TMEM178B: variants seen among roughly 807,000 people sequenced by gnomAD.
The protein encoded by TMEM178B is transmembrane protein 178B.
TMEM178B carries 5 observed loss-of-function variants against 31.0 expected under a neutral mutation model. The ratio of observed to expected loss-of-function variants is 0.16; its 90% CI spans 0.08 to 0.34. TMEM178B has a LOEUF of 0.34. Ranked by LOEUF, TMEM178B falls within the 10% of genes least tolerant of loss-of-function variation. The pLI is 1.00. For missense variants in TMEM178B, 275 were observed against 400.3 expected (o/e 0.69, Z 2.67); for synonymous variants, 164 against 164.0 (o/e 1.00, Z 0.00).
intron 2 of TMEM178B, among the ~76,000 whole-genome samples, chr7:141,219,554 C>T (rs1409662623): frequency 1.3e-5 from 2 of 152,190 alleles, no homozygotes; most frequent in Admixed American, 6.5e-5. Context: ...ACTCAGCCAA[C>T]AGCGTGTCAT....
At chr7:141,138,296 C>T (rs527525740) in intron 1 of TMEM178B, among the ~76,000 whole-genome samples, 1 of 152,010 alleles carries the variant, frequency 6.6e-6, no homozygotes, top group Admixed American at 6.5e-5. Context: ...CTCCTGACCT[C>T]GTGATCCACC....
intron 2 of TMEM178B, among the ~76,000 whole-genome samples, chr7:141,271,428 G>A (rs1798178735): frequency 6.6e-6 from 1 of 152,196 alleles, no homozygotes; most frequent in Admixed American, 6.5e-5. Context: ...TCTAAAGAGT[G>A]TAACTGGTGT....
chr7:141,199,327 C>A (rs1796837690), intron 1 of TMEM178B, among the ~76,000 whole-genome samples: 1 of 152,142 alleles, frequency 6.6e-6, no homozygotes, highest in South Asian at 2.1e-4. Flanking sequence ...CGGTTTCTGC[C>A]ATTAGTAGTA....
At chr7:141,493,793 CTTCTAGATTTTGATGGAATATACATTT>C in the TMEM178B span, among the ~76,000 whole-genome samples, 1 of 152,014 alleles carries the variant, frequency 6.6e-6, no homozygotes, top group Non-Finnish European at 1.5e-5. Flanking sequence ...TTCACCTGGT[CTTCTAGATTTTGATGGAATATACATTT>C]TTCTCTAGAA....
At chr7:141,126,419 A>G (rs1263999283) in intron 1 of TMEM178B, among the ~76,000 whole-genome samples, 1 of 152,220 alleles carries the variant, frequency 6.6e-6, no homozygotes, top group Admixed American at 6.5e-5. Flanking sequence ...TCCCACATTT[A>G]TTCATTTAGC....
chr7:141,384,880 A>T (rs1391467447), intron 2 of TMEM178B, among the ~76,000 whole-genome samples: 4 of 151,862 alleles, frequency 2.6e-5, no homozygotes, highest in African/African-American at 9.7e-5. Flanking sequence ...AGTTCTAGAG[A>T]TCTCACTGAT....
intron 3 of TMEM178B, among the ~76,000 whole-genome samples, chr7:141,465,044 T>C (rs1802126351): frequency 6.6e-6 from 1 of 152,246 alleles, no homozygotes; most frequent in Non-Finnish European, 1.5e-5. Context: ...TGCATTACTA[T>C]TTATTCTAGT....
chr7:141,335,871 A>G (rs892263965), intron 2 of TMEM178B, among the ~76,000 whole-genome samples: 3 of 152,034 alleles, frequency 2.0e-5, no homozygotes, highest in Admixed American at 2.0e-4. Flanking sequence ...GAAACTTGCT[A>G]ATTTTTCCCC....
At chr7:141,184,234 T>G (rs1352220131) in intron 1 of TMEM178B, among the ~76,000 whole-genome samples, 1 of 152,224 alleles carries the variant, frequency 6.6e-6, no homozygotes, top group Non-Finnish European at 1.5e-5. Flanking sequence ...TCACAGTTGC[T>G]TGGTATTTGT....
chr7:141,369,126 A>G (rs1800063148), intron 2 of TMEM178B, among the ~76,000 whole-genome samples: 1 of 152,110 alleles, frequency 6.6e-6, no homozygotes, highest in African/African-American at 2.4e-5. Flanking sequence ...GGGCTTCTCA[A>G]CTGTTCCTCT....
intron 1 of TMEM178B, among the ~76,000 whole-genome samples, chr7:141,114,813 A>G (rs1265359712): frequency 6.6e-6 from 1 of 152,226 alleles, no homozygotes; most frequent in Non-Finnish European, 1.5e-5. Flanking sequence ...AGGGGAATAA[A>G]GAATGTAGTA....
At chr7:141,381,359 T>G (rs1800311633) in intron 2 of TMEM178B, among the ~76,000 whole-genome samples, 2 of 152,258 alleles carry the variant, frequency 1.3e-5, no homozygotes, top group Admixed American at 6.5e-5. Flanking sequence ...CCTGTAGTAG[T>G]AGAAGAAGTA....
At chr7:141,373,052 C>A (rs1051646024) in intron 2 of TMEM178B, among the ~76,000 whole-genome samples, 2 of 152,156 alleles carry the variant, frequency 1.3e-5, no homozygotes, top group Admixed American at 6.5e-5. Flanking sequence ...TGACTTTGGG[C>A]AAATTATTTA....
chr7:141,085,875 A>G (rs1168619090), intron 1 of TMEM178B, among the ~76,000 whole-genome samples: 1 of 152,028 alleles, frequency 6.6e-6, no homozygotes, highest in Admixed American at 6.5e-5. Flanking sequence ...CCTTCCACTT[A>G]TGAGCACGTG....
intron 2 of TMEM178B, among the ~76,000 whole-genome samples, chr7:141,330,172 T>C (rs553482143): frequency 6.6e-6 from 1 of 152,302 alleles, no homozygotes; most frequent in Non-Finnish European, 1.5e-5. Context: ...ATTTGTTACA[T>C]AGGTAAACAT....
At chr7:141,219,632 C>T (rs947338310) in intron 2 of TMEM178B, among the ~76,000 whole-genome samples, 1 of 152,126 alleles carries the variant, frequency 6.6e-6, no homozygotes, top group African/African-American at 2.4e-5. Flanking sequence ...TGCCCCAACC[C>T]GGCCCCTGCA....
intron 2 of TMEM178B, among the ~76,000 whole-genome samples, chr7:141,306,888 C>T (rs908800500): frequency 3.3e-5 from 5 of 152,188 alleles, no homozygotes; most frequent in African/African-American, 7.2e-5. Context: ...ACAAATGCCA[C>T]TTCCACTTTC....
chr7:141,166,307 AG>A (rs1240792667), intron 1 of TMEM178B, among the ~76,000 whole-genome samples: 2 of 152,218 alleles, frequency 1.3e-5, no homozygotes, highest in African/African-American at 4.8e-5. Context: ...TCAGGAAGTA[AG>A]GGTCCTGCTG....
intron 1 of TMEM178B, among the ~76,000 whole-genome samples, chr7:141,083,481 G>A (rs1358227972): frequency 7.4e-6 from 1 of 134,260 alleles, no homozygotes; most frequent in African/African-American, 2.6e-5. Flanking sequence ...AAGAGAAAGA[G>A]GAAGGGAGGG....
Sources: allele counts gnomAD v4.1 joint callset (sites outside exome capture counted in the v4.1 genomes callset), GRCh38; gene constraint gnomAD v4.1.1; transcripts MANE v1.5; gene names NCBI Gene and HGNC (gene_info 2026-07-23, HGNC 2026-07-21).